NTN1: variants seen among roughly 807,000 people sequenced by gnomAD.
NTN1 encodes netrin-1.
A neutral mutation model predicts 54.2 loss-of-function variants in NTN1; 11 were observed. The observed-to-expected ratio is 0.20, with a 90% CI of 0.13 to 0.34. The LOEUF (loss-of-function observed/expected upper bound fraction) is 0.34. Ranked by LOEUF, NTN1 falls within the 10% of genes least tolerant of loss-of-function variation. The probability of loss-of-function intolerance (pLI) is 1.00; values close to 1 mark genes in which losing one functional copy is unlikely to be tolerated. For synonymous variants in NTN1, 371 were observed against 382.0 expected (o/e 0.97, Z 0.33); for missense variants, 740 against 893.1 (o/e 0.83, Z 2.18).
chr17:9,217,403 G>A (rs976070138), intron 5 of NTN1, among the ~76,000 whole-genome samples: 5 of 152,206 alleles, frequency 3.3e-5, no homozygotes, highest in African/African-American at 9.7e-5. Flanking sequence ...CTTTATGGCT[G>A]TTTTGGAACA....
intron 2 of NTN1, among the ~76,000 whole-genome samples, chr17:9,083,616 C>T (rs1337139055): frequency 2.0e-5 from 3 of 152,194 alleles, no homozygotes; most frequent in Non-Finnish European, 4.4e-5. Context: ...TCTTGCTCAC[C>T]TTGGATGCTG....
intron 2 of NTN1, among the ~76,000 whole-genome samples, chr17:9,045,808 G>T (rs1049937047): frequency 1.3e-5 from 2 of 152,146 alleles, no homozygotes; most frequent in African/African-American, 4.8e-5. Context: ...TATCTGGAAA[G>T]ATTGGTCAAG....
intron 3 of NTN1, chr17:9,171,630 G>T (rs572412043): frequency 6.6e-6 from 1 of 152,242 alleles, no homozygotes; most frequent in African/African-American, 2.4e-5. Context: ...GGCTTCTCGC[G>T]GACAGGACAT....
chr17:9,195,681 T>C (rs924494271), intron 5 of NTN1, among the ~76,000 whole-genome samples: 3 of 152,092 alleles, frequency 2.0e-5, no homozygotes, highest in Admixed American at 6.5e-5. Flanking sequence ...AGGGGACTTG[T>C]AGCAACTGGG....
chr17:9,138,888 A>G (rs536598798), intron 2 of NTN1, among the ~76,000 whole-genome samples: 1 of 152,014 alleles, frequency 6.6e-6, no homozygotes, highest in Non-Finnish European at 1.5e-5. Context: ...TCCCCTTGGT[A>G]CTCTGGCTGC....
intron 2 of NTN1, among the ~76,000 whole-genome samples, chr17:9,029,830 A>G (rs554657665): frequency 1.6e-4 from 25 of 152,192 alleles, no homozygotes; most frequent in African/African-American, 5.8e-4. Flanking sequence ...CGTGTCTACT[A>G]AAAATACAAA....
rs796452392 is a variant in NTN1 at position 9,193,938 on chromosome 17, A to AAAAAAAAAAAAAAAAAAAAAAAC, written c.1411+10975_1411+10976insAAAAAAAAAAAAAAAACAAAAAA. Among the ~76,000 whole-genome samples the AAAAAAAAAAAAAAAAAAAAAAAC allele has an allele frequency of 1.2e-3, 131 of 108,362 alleles. 10 individuals carry two copies. The highest frequency in any genetic ancestry group is 2.0e-3 in the Non-Finnish European group (106 of 52,338). The allele number at this position is 108,362 out of a possible 152,430, so 71.1% of individuals were successfully genotyped here. A position where few individuals can be genotyped will look rare whatever the true frequency, so the allele number is the denominator to read the frequency against. ...CTCCGACTAAAAAAAAAAAAAAAAAAAAAAAACATTATGCAGGTTGGGCGC... is the reference window on the plus strand; with the variant it reads ...CTCCGACTAAAAAAAAAAAAAAAAAAAAAAAAAAAAAAAAAAAAAAAACAAAAAACATTATGCAGGTTGGGCGC... On this transcript the variant is annotated intron_variant, in intron 5 of 6. Transcript: ENST00000173229.
chr17:9,136,130 G>A (rs1049348453), intron 2 of NTN1, among the ~76,000 whole-genome samples: 2 of 152,224 alleles, frequency 1.3e-5, no homozygotes, highest in Non-Finnish European at 2.9e-5. Context: ...GAGTGGGCAG[G>A]AAATGCTCCA....
intron 2 of NTN1, among the ~76,000 whole-genome samples, chr17:9,047,823 T>A (rs1355771953): frequency 6.6e-6 from 1 of 151,914 alleles, no homozygotes; most frequent in African/African-American, 2.4e-5. Flanking sequence ...GCCTCCCAAG[T>A]AGCTGGGATT....
At chr17:9,185,322 T>C (rs891351123) in intron 5 of NTN1, among the ~76,000 whole-genome samples, 2 of 151,640 alleles carry the variant, frequency 1.3e-5, no homozygotes, top group African/African-American at 4.8e-5. Flanking sequence ...GCCCGGGAGC[T>C]CAGCGCTCTC....
intron 2 of NTN1, among the ~76,000 whole-genome samples, chr17:9,097,947 T>G (rs945523783): frequency 3.3e-5 from 5 of 150,770 alleles, no homozygotes; most frequent in Non-Finnish European, 7.4e-5. Context: ...CCTAATTGAC[T>G]TACTCTGACC....
intron 2 of NTN1, among the ~76,000 whole-genome samples, chr17:9,040,545 A>C (rs186575558): frequency 6.6e-6 from 1 of 152,248 alleles, no homozygotes; most frequent in African/African-American, 2.4e-5. Flanking sequence ...ATATATATGA[A>C]TATTTTAGCC....
At chr17:9,057,565 C>T (rs570413347) in intron 2 of NTN1, among the ~76,000 whole-genome samples, 15 of 152,250 alleles carry the variant, frequency 9.9e-5, no homozygotes, top group African/African-American at 1.4e-4. Flanking sequence ...ATTGATTTCT[C>T]GGGTATTTTC....
At chr17:9,061,822 G>A (rs769869026) in intron 2 of NTN1, among the ~76,000 whole-genome samples, 7 of 152,096 alleles carry the variant, frequency 4.6e-5, no homozygotes, top group Non-Finnish European at 1.0e-4. Context: ...TCCTGCCTCA[G>A]CCTCCCAAGT....
intron 3 of NTN1, among the ~76,000 whole-genome samples, chr17:9,166,398 GT>G (rs1233926357): frequency 6.9e-6 from 1 of 144,754 alleles, no homozygotes; most frequent in Non-Finnish European, 1.5e-5. Flanking sequence ...CTGGAGTGCA[GT>G]GGTGCAATCT....
upstream of NTN1, chr17:9,021,469 G>C (rs1166112343): frequency 2.6e-5 from 4 of 151,732 alleles, no homozygotes; most frequent in Non-Finnish European, 5.9e-5. Context: ...CGCCCCGCCC[G>C]GCGGCCCCGC....
chr17:9,018,703 G>A (rs748894983), upstream of NTN1, among the ~76,000 whole-genome samples: 53 of 150,882 alleles, frequency 3.5e-4, no homozygotes, highest in Non-Finnish European at 6.9e-4. Flanking sequence ...TCTCAATCCA[G>A]TCTTGTAGAT....
At chr17:9,207,824 A>T (rs921676892) in intron 5 of NTN1, among the ~76,000 whole-genome samples, 2 of 152,188 alleles carry the variant, frequency 1.3e-5, no homozygotes, top group Admixed American at 6.5e-5. Flanking sequence ...CATTTTTCAG[A>T]TATTAGCTGT....
chr17:9,071,700 A>G (rs1347168636), intron 2 of NTN1, among the ~76,000 whole-genome samples: 1 of 152,180 alleles, frequency 6.6e-6, no homozygotes, highest in Non-Finnish European at 1.5e-5. Context: ...GCAGCATCAA[A>G]TGGAGGCTGG....
Sources: allele counts gnomAD v4.1 joint callset (sites outside exome capture counted in the v4.1 genomes callset), GRCh38; gene constraint gnomAD v4.1.1; transcripts MANE v1.5; gene names NCBI Gene and HGNC (gene_info 2026-07-23, HGNC 2026-07-21).